The following FGF12 variants were observed in gnomAD, a reference collection of about 807,000 sequenced individuals.
The protein encoded by FGF12 is fibroblast growth factor 12B.
FGF12 carries 14 observed loss-of-function variants against 23.6 expected under a neutral mutation model. The observed-to-expected ratio is 0.59, with a 90% CI of 0.39 to 0.93. FGF12 has a LOEUF of 0.93. Ranked by LOEUF, FGF12 falls within the 40% of genes least tolerant of loss-of-function variation. FGF12 has a pLI of 0.00. For synonymous variants in FGF12, 62 were observed against 77.3 expected (o/e 0.80, Z 1.04); for missense variants, 175 against 217.8 (o/e 0.80, Z 1.24).
chr3:192,291,717 A>G (rs935963101), intron 4 of FGF12, among the ~76,000 whole-genome samples: 4 of 152,198 alleles, frequency 2.6e-5, no homozygotes, highest in Admixed American at 2.6e-4. Flanking sequence ...AATAGAATAA[A>G]TGTGAGAAAC....
chr3:192,195,085 C>G (rs988748283), intron 4 of FGF12, among the ~76,000 whole-genome samples: 1 of 152,164 alleles, frequency 6.6e-6, no homozygotes, highest in African/African-American at 2.4e-5. Flanking sequence ...GATTGGCAGT[C>G]CTATACGTAG....
At chr3:192,333,111 T>A (rs1717210744) in intron 4 of FGF12, among the ~76,000 whole-genome samples, 1 of 152,050 alleles carries the variant, frequency 6.6e-6, no homozygotes, top group Admixed American at 6.6e-5. Context: ...ACAGAAGGAA[T>A]GCATCTCTGA....
intron 4 of FGF12, among the ~76,000 whole-genome samples, chr3:192,317,968 A>G (rs1351693946): frequency 2.6e-5 from 4 of 152,276 alleles, no homozygotes; most frequent in East Asian, 3.9e-4. Flanking sequence ...AATTCTCCCA[A>G]TCTTACCCAA....
rs142518899 is a variant in FGF12 at position 192,255,726 on chromosome 3, T to A, written c.228+79635A>T. On this transcript the variant is annotated intron_variant, in intron 4 of 5. Transcript: ENST00000445105. ...GCCAAAGCTTAAACATAGTTTCTCA[T>A]GTCGGACCCCCAAGCAGTTTTTAAC... Among the ~76,000 whole-genome samples the A allele has an allele frequency of 1.1e-3, 172 of 152,218 alleles. 5 individuals carry two copies. Among genetic ancestry groups the A allele is most frequent in the Non-Finnish European group, 4.1e-4 (28 of 67,962 alleles).
chr3:192,702,530 C>T (rs976866673), intron 2 of FGF12, among the ~76,000 whole-genome samples: 3 of 150,700 alleles, frequency 2.0e-5, no homozygotes, highest in Admixed American at 1.3e-4. Context: ...CAGTGGATCA[C>T]GCCTGTAATC....
At chr3:192,213,202 G>A (rs191271858) in intron 4 of FGF12, among the ~76,000 whole-genome samples, 4 of 152,356 alleles carry the variant, frequency 2.6e-5, no homozygotes, top group Admixed American at 2.0e-4. Flanking sequence ...GAGCGCCAGA[G>A]CAGCTGAAGG....
At chr3:192,465,193 A>T (rs976493426) in intron 2 of FGF12, among the ~76,000 whole-genome samples, 6 of 152,242 alleles carry the variant, frequency 3.9e-5, no homozygotes, top group African/African-American at 1.4e-4. Context: ...AATGCAAATT[A>T]GCTGGTTAAT....
chr3:192,593,310 A>C (rs1713701889), intron 2 of FGF12, among the ~76,000 whole-genome samples: 1 of 151,738 alleles, frequency 6.6e-6, no homozygotes, highest in Admixed American at 6.6e-5. Flanking sequence ...ACTGCCATGC[A>C]CCTGCGTGAC....
intron 4 of FGF12, among the ~76,000 whole-genome samples, chr3:192,191,755 G>A (rs995918203): frequency 6.6e-6 from 1 of 151,506 alleles, no homozygotes; most frequent in Non-Finnish European, 1.5e-5. Context: ...AGAATGGCAC[G>A]AACCCGGGAG....
At chr3:192,567,790 T>TTTCTTTCTTTCTTTC in intron 2 of FGF12, among the ~76,000 whole-genome samples, 1 of 135,710 alleles carries the variant, frequency 7.4e-6, no homozygotes, top group South Asian at 2.5e-4. Flanking sequence ...TCTTTCTTTC[T>TTTCTTTCTTTCTTTC]TTCTTTCTTT....
chr3:192,705,954 A>G (rs1334593559), intron 2 of FGF12, among the ~76,000 whole-genome samples: 1 of 152,226 alleles, frequency 6.6e-6, no homozygotes, highest in African/African-American at 2.4e-5. Flanking sequence ...AGGAAAACAA[A>G]CAAATTTAAA....
intron 2 of FGF12, among the ~76,000 whole-genome samples, chr3:192,589,565 T>G (rs1713538290): frequency 6.6e-6 from 1 of 151,812 alleles, no homozygotes; most frequent in Non-Finnish European, 1.5e-5. Context: ...ATTTCTAGGC[T>G]TAAATCTCAT....
intron 4 of FGF12, among the ~76,000 whole-genome samples, chr3:192,247,475 A>G (rs956738590): frequency 6.6e-6 from 1 of 152,180 alleles, no homozygotes; most frequent in Non-Finnish European, 1.5e-5. Flanking sequence ...TCATGAATAC[A>G]ATATGATTTA....
chr3:192,370,131 C>T (rs1222175792), intron 2 of FGF12, among the ~76,000 whole-genome samples: 1 of 152,106 alleles, frequency 6.6e-6, no homozygotes, highest in African/African-American at 2.4e-5. Flanking sequence ...GAGGCGACAG[C>T]AGAAAAGAAG....
intron 5 of FGF12, among the ~76,000 whole-genome samples, chr3:192,167,772 A>ATATATATATATATTTTTT (rs1715302128): frequency 6.5e-5 from 1 of 15,396 alleles, no homozygotes; most frequent in African/African-American, 2.2e-4. Context: ...TATATATAAA[A>ATATATATATATATTTTTT]TTTTTTTTTT....
chr3:192,480,112 T>C (rs1577008838), intron 2 of FGF12, among the ~76,000 whole-genome samples: 1 of 152,278 alleles, frequency 6.6e-6, no homozygotes, highest in East Asian at 1.9e-4. Flanking sequence ...GTAGAATTAT[T>C]TTCTGTGGGG....
intron 4 of FGF12, among the ~76,000 whole-genome samples, chr3:192,261,575 G>A (rs527321075): frequency 6.6e-6 from 1 of 152,198 alleles, no homozygotes; most frequent in Admixed American, 6.6e-5. Context: ...GAGCTGTGGA[G>A]ATGTCATGGC....
intron 4 of FGF12, among the ~76,000 whole-genome samples, chr3:192,208,853 T>C (rs1039381520): frequency 6.6e-6 from 1 of 152,224 alleles, no homozygotes; most frequent in African/African-American, 2.4e-5. Flanking sequence ...CTAACTTAGC[T>C]ACTGTCTATA....
intron 2 of FGF12, among the ~76,000 whole-genome samples, chr3:192,699,857 G>A (rs930447466): frequency 3.9e-5 from 6 of 152,270 alleles, no homozygotes; most frequent in African/African-American, 1.4e-4. Context: ...TCATCTTTAG[G>A]AGGAAGGCCT....
Sources: gnomAD v4.1 joint callset for allele counts (sites outside exome capture counted in the v4.1 genomes callset) on GRCh38, gnomAD v4.1.1 for gene constraint, MANE v1.5 for transcripts, NCBI Gene and HGNC (gene_info 2026-07-23, HGNC 2026-07-21) for gene names.